PRKDC: variants seen among roughly 807,000 people sequenced by gnomAD.
The protein encoded by PRKDC is DNA-dependent protein kinase catalytic subunit.
Under a neutral mutation model 486.9 loss-of-function variants are expected in PRKDC, and 82 were observed. That is an observed-to-expected ratio of 0.17 (90% CI 0.14 to 0.20). The LOEUF (loss-of-function observed/expected upper bound fraction) is 0.20. PRKDC is among the 10% of genes least tolerant of loss of function. PRKDC has a pLI of 1.00. For missense variants in PRKDC, 4,504 were observed against 5,038.2 expected, an observed-to-expected ratio of 0.89 and a Z score of 3.21; for synonymous variants, 1,895 against 1,837.0, an observed-to-expected ratio of 1.03 and a Z score of -0.81.
chr8:47,944,131 T>G (rs2090490876), intron 7 of PRKDC, 102 bp from the exon 8 acceptor site: 2 of 962,526 alleles, frequency 2.1e-6, no homozygotes. Flanking sequence ...TAATCTCTTG[T>G]GAATTCAGGA....
At chr8:47,813,985 C>T (rs2087388339) in intron 68 of PRKDC, among the ~76,000 whole-genome samples, 1 of 152,128 alleles carries the variant, frequency 6.6e-6, no homozygotes, top group South Asian at 2.1e-4. Context: ...AATTACACAC[C>T]AATATCCCAC....
rs563111916 is a variant in PRKDC at position 47,842,820 on chromosome 8, C to T, written c.7281-2631G>A. On this transcript the variant is annotated intron_variant, in intron 54 of 85. Transcript: ENST00000314191. ...TCCAGGAGAAGGCTGAAATTCAATC[C>T]AAGAAATCCAGTAAAATGATTCAAG... Among the ~76,000 whole-genome samples the T allele has an allele frequency of 6.6e-5, 10 of 152,184 alleles. No individual in the cohort carries two copies. The South Asian group carries it at 1.9e-3, about 28-fold the overall frequency.
At chr8:47,842,168 C>T (rs1303702771) in intron 54 of PRKDC, among the ~76,000 whole-genome samples, 1 of 152,128 alleles carries the variant, frequency 6.6e-6, no homozygotes, top group Non-Finnish European at 1.5e-5. Flanking sequence ...CACCAGGGCC[C>T]CCCTTGGGGT....
intron 40 of PRKDC, among the ~76,000 whole-genome samples, chr8:47,868,508 G>A (rs564878562): frequency 6.6e-6 from 1 of 152,230 alleles, no homozygotes; most frequent in East Asian, 1.9e-4. Flanking sequence ...AGGCTGCAGT[G>A]AGCCATGATC....
rs554461652 is a variant in PRKDC, at chr8:47,895,408, G to A, written c.3598+1753C>T. Reference sequence around the variant, plus strand: ...CAACAAAACACAATGCTGAGAGGTGGAACTCTATTTAGTTCAGAATACATG... The same window carrying A: ...CAACAAAACACAATGCTGAGAGGTGAAACTCTATTTAGTTCAGAATACATG... On this transcript the variant is annotated intron_variant, in intron 30 of 85. Coordinates refer to ENST00000314191, the MANE Select transcript of PRKDC (RefSeq NM_006904.7). 2.9e-3 allele frequency among the ~76,000 whole-genome samples: 437 copies of A among 152,254 alleles called. 2 individuals carry two copies. The highest frequency in any genetic ancestry group is 0.01 in the African/African-American group (428 of 41,556).
In PRKDC at chr8:47,823,868, T is replaced by C. The variant is rs184144490; in HGVS notation, c.8912A>G (p.Gln2971Arg). ...ARSDYSEAAK[Q>R]YDEALNKQDW... The stretch of plus-strand genomic sequence containing the variant: ...AGAGATCAATTTTACCTCATCATAC[T>C]GCTTAGCAGCTTCAGAATAATCACT... Residue 2971 changes from glutamine (Q) to arginine (R), a missense_variant, in exon 64 of 86, where the codon CAG (glutamine) becomes CGG (arginine). By Grantham distance (43) the Gln-to-Arg change is conservative (BLOSUM62 1). Around this residue, in one of 6 missense-constraint regions of PRKDC, gnomAD observed 1,592 missense variants for 1,724.6 expected, o/e 0.92. Transcript: ENST00000314191. The C allele has an allele frequency of 1.2e-6, 2 of 1,613,718 alleles. No homozygotes were observed. Among genetic ancestry groups the C allele is most frequent in the East Asian group, 4.5e-5 (2 of 44,860 alleles).
chr8:47,959,742 T>C (rs1237460203), intron 1 of PRKDC, among the ~76,000 whole-genome samples: 5 of 152,118 alleles, frequency 3.3e-5, no homozygotes, highest in Admixed American at 1.3e-4. Flanking sequence ...ATTGCCATAT[T>C]AGGGGTCGTT....
At chr8:47,861,687 G>T (rs1196676356) in intron 44 of PRKDC, among the ~76,000 whole-genome samples, 1 of 152,238 alleles carries the variant, frequency 6.6e-6, no homozygotes, top group Non-Finnish European at 1.5e-5. Flanking sequence ...ATCTGCCAGA[G>T]CAAGTCTTCC....
Position 47,860,991 on chromosome 8 carries a change from A to C in PRKDC, c.5986-20T>G, listed in dbSNP as rs765333511. 9 of 1,476,418 alleles carry C rather than the reference A, an allele frequency of 6.1e-6. No homozygotes were observed. Among genetic ancestry groups the C allele is most frequent in the East Asian group, 2.3e-5 (1 of 42,726 alleles). 91.5% of individuals were successfully genotyped at this position (1,476,418 alleles called of 1,614,324 possible). Reference sequence around the variant, plus strand: ...AGGAACCTATTGGGAAGAACAAATAAACAATGTAAAACATTTTATAATAAT... The same window carrying C: ...AGGAACCTATTGGGAAGAACAAATACACAATGTAAAACATTTTATAATAAT... On this transcript the variant is annotated intron_variant, in intron 44 of 85. Coordinates refer to ENST00000314191, the MANE Select transcript of PRKDC (RefSeq NM_006904.7).
intron 20 of PRKDC, 55 bp from the exon 21 acceptor site, chr8:47,927,408 G>A: frequency 4.6e-6 from 7 of 1,523,998 alleles, no homozygotes; most frequent in Middle Eastern, 1.7e-4. Context: ...AAGATTTAGA[G>A]GAAAAAAACA....
Position 47,774,132 on chromosome 8 carries a change from T to C in PRKDC, c.*41A>G. The C allele has an allele frequency of 6.6e-7, 1 of 1,525,512 alleles. No homozygotes were observed. The highest frequency in any genetic ancestry group is 8.8e-7 in the Non-Finnish European group (1 of 1,133,246). The allele number at this position is 1,525,512 out of a possible 1,614,324, so 94.5% of individuals were successfully genotyped here. On this transcript the variant is annotated 3_prime_UTR_variant, in exon 86 of 86. Coordinates refer to ENST00000314191, the MANE Select transcript of PRKDC (RefSeq NM_006904.7). ...GCCAACCAAAGTATAGTAGATTCTT[T>C]AAACAATGTAATGCTTTCTATCTGC...
intron 16 of PRKDC, among the ~76,000 whole-genome samples, chr8:47,931,438 C>T (rs1337950775): frequency 6.6e-6 from 1 of 151,282 alleles, no homozygotes; most frequent in African/African-American, 2.4e-5. Flanking sequence ...AATGAACACA[C>T]ATGTTCTAAA....
At position 47,883,663 on chromosome 8, in the gene PRKDC, A is replaced by C. The variant is rs190504899; in HGVS notation, c.4777-1566T>G. On this transcript the variant is annotated intron_variant, in intron 36 of 85. Transcript: ENST00000314191. ...ACCTTCCAAACTCATTTCATTTTTA[A>C]TTTCTGATGCCTATGCTTAATTCCC... 6.6e-5 allele frequency among the ~76,000 whole-genome samples: 10 copies of C among 152,188 alleles called. No homozygotes were observed. The East Asian group carries it at 1.4e-3, about 21-fold the overall frequency.
chr8:47,820,053 G>A (rs1034094315), intron 66 of PRKDC, among the ~76,000 whole-genome samples: 1 of 152,128 alleles, frequency 6.6e-6, no homozygotes, highest in African/African-American at 2.4e-5. Flanking sequence ...CAAACAATCA[G>A]GAAAGATCAA....
chr8:47,854,350 G>A lies in PRKDC; in HGVS notation c.6762-136C>T. On this transcript the variant is annotated intron_variant, in intron 50 of 85. Coordinates refer to ENST00000314191, the MANE Select transcript of PRKDC (RefSeq NM_006904.7). The stretch of plus-strand genomic sequence containing the variant: ...GGCTGGAGTGCAGTGGCGTGACTGA[G>A]ACGGAGTCTTGGAGTCTCGCTTTGT... 3 of 1,015,922 alleles carry A rather than the reference G, an allele frequency of 3.0e-6. No individual in the cohort carries two copies. The South Asian group carries it at 4.8e-5, about 16-fold the overall frequency. 62.9% of individuals were successfully genotyped at this position (1,015,922 alleles called of 1,614,324 possible).
At position 47,862,020 on chromosome 8, in the gene PRKDC, A is replaced by T. The variant is rs190135189; in HGVS notation, c.5985+42T>A. 2.7e-3 allele frequency: 3,882 copies of T among 1,442,228 alleles called. 11 individuals carry two copies. Among genetic ancestry groups the T allele is most frequent in the Non-Finnish European group, 3.2e-3 (3,375 of 1,057,918 alleles). 89.3% of individuals were successfully genotyped at this position (1,442,228 alleles called of 1,614,324 possible). A position where few individuals can be genotyped will look rare whatever the true frequency, so the allele number is the denominator to read the frequency against. On this transcript the variant is annotated intron_variant, in intron 44 of 85. Transcript: ENST00000314191. Reference sequence around the variant, plus strand: ...TTGACATAATATGGTTTTCTTTGTGAGCACTTGATAAGTTTTTTTTAACAT... The same window carrying T: ...TTGACATAATATGGTTTTCTTTGTGTGCACTTGATAAGTTTTTTTTAACAT...
chr8:47,900,575 T>C (rs2089660881), intron 27 of PRKDC, 108 bp from the exon 28 acceptor site: 1 of 1,091,764 alleles, frequency 9.2e-7, no homozygotes, highest in East Asian at 2.8e-5. Flanking sequence ...AAATTTGTTT[T>C]TTGTGGCCGG....
chr8:47,779,172 T>C, intron 80 of PRKDC, 79 bp from the exon 81 acceptor site: 1 of 1,067,408 alleles, frequency 9.4e-7, no homozygotes. Flanking sequence ...TCACCAAGAA[T>C]TCATTGAAAA....
chr8:47,847,983 T>A (rs936531511), intron 54 of PRKDC, among the ~76,000 whole-genome samples: 1 of 151,882 alleles, frequency 6.6e-6, no homozygotes, highest in Non-Finnish European at 1.5e-5. Context: ...AAGTTAAAAA[T>A]CTGGCAGATA....
Sources: allele counts gnomAD v4.1 joint callset (sites outside exome capture counted in the v4.1 genomes callset), GRCh38; gene constraint gnomAD v4.1.1; regional missense constraint gnomAD v4.1.1; transcripts MANE v1.5; gene names NCBI Gene and HGNC (gene_info 2026-07-23, HGNC 2026-07-21).